TGM7: variants seen among roughly 807,000 people sequenced by gnomAD.
The protein encoded by TGM7 is protein-glutamine gamma-glutamyltransferase Z.
In TGM7, 74 loss-of-function variants were observed where a neutral mutation model predicts 79.5. That is an observed-to-expected ratio of 0.93 (90% confidence interval 0.77 to 1.13). TGM7 has a LOEUF of 1.13. TGM7 is among the 50% of genes most tolerant of loss of function. The probability of loss-of-function intolerance (pLI) is 0.00; values close to 1 mark genes in which losing one functional copy is unlikely to be tolerated. For synonymous variants in TGM7, 354 were observed against 362.5 expected, an observed-to-expected ratio of 0.98 and a Z score of 0.27; for missense variants, 912 against 905.9, an observed-to-expected ratio of 1.01 and a Z score of -0.09.
chr15:43,278,962 C>T (rs1026266432), intron 11 of TGM7, among the ~76,000 whole-genome samples, 155 bp downstream of exon 11: 1 of 152,210 alleles, frequency 6.6e-6, no homozygotes, highest in Non-Finnish European at 1.5e-5. Context: ...CCCCTCCAAC[C>T]CCACGCTGGT....
intron 4 of TGM7, among the ~76,000 whole-genome samples, chr15:43,288,955 G>C (rs780600727): frequency 6.6e-6 from 1 of 152,094 alleles, no homozygotes; most frequent in Non-Finnish European, 1.5e-5. Flanking sequence ...TGGTGGAGTG[G>C]GGAGTGGGGA....
rs1566846166 is a variant in TGM7, at chr15:43,292,039, A to G, written c.498T>C (p.Tyr166=). 6 of 1,613,972 alleles carry G rather than the reference A, an allele frequency of 3.7e-6. No individual in the cohort carries two copies. The highest frequency in any genetic ancestry group is 2.7e-5 in the African/African-American group (2 of 74,926). The change falls in exon 4 of 13, where the codon TAT becomes TAC. Residue 166 remains tyrosine (Y), a synonymous_variant. Transcript: ENST00000452443. The part of the protein sequence containing the change: ...ILLQEYIMRD[Y]GFVYKGHERF... ...TTTCATGACCCTTGTAAACAAAGCC[A>G]TAATCTCGCATGATATACTCCTGCA...
chr15:43,277,283 A>C (rs1468672213), intron 11 of TGM7, among the ~76,000 whole-genome samples: 1 of 152,200 alleles, frequency 6.6e-6, no homozygotes, highest in African/African-American at 2.4e-5. Context: ...ACAAGATTTA[A>C]ATGGAAGTGC....
At chr15:43,282,118 C>G in intron 8 of TGM7, 32 bp from the exon 9 acceptor site, 1 of 1,607,094 alleles carries the variant, frequency 6.2e-7, no homozygotes, top group Non-Finnish European at 8.5e-7. Flanking sequence ...GATATGGGGG[C>G]CAGGGGCAGC....
At position 43,276,472 on chromosome 15, in the gene TGM7, C is replaced by T. The variant is rs201340108; in HGVS notation, c.2116G>A (p.Val706Met). ...IKGYKDIFVT[V>M]AGAP is the part of the protein sequence containing the mutation. ...GGCGGGTCTCAGGGAGCCCCAGCCACAGTGACGAAGATGTCCTTGTAGCCT... is the reference window on the plus strand; with the variant it reads ...GGCGGGTCTCAGGGAGCCCCAGCCATAGTGACGAAGATGTCCTTGTAGCCT... Residue 706 changes from valine to methionine, a missense_variant, in exon 13 of 13, where the codon GTG (valine) becomes ATG (methionine). Transcript: ENST00000452443. 1 of 1,613,420 alleles carries T rather than the reference C, an allele frequency of 6.2e-7. No homozygotes were observed. Among genetic ancestry groups the T allele is most frequent in the African/African-American group, 1.3e-5 (1 of 75,022 alleles).
In TGM7 at chr15:43,293,433, G is replaced by T; in HGVS notation, c.193+16C>A. On this transcript the variant is annotated intron_variant, in intron 2 of 12. Coordinates refer to ENST00000452443, the MANE Select transcript of TGM7 (RefSeq NM_052955.3). Reference sequence around the variant, plus strand: ...TTTGACGGAACCTGCGGGGCCTTGGGACAGGGCAAACTCACCGGTCTCAGC... The same window carrying T: ...TTTGACGGAACCTGCGGGGCCTTGGTACAGGGCAAACTCACCGGTCTCAGC... 6.3e-7 allele frequency: 1 copy of T among 1,583,826 alleles called. No homozygotes were observed.
chr15:43,281,363 G>T (rs372086842), intron 9 of TGM7, among the ~76,000 whole-genome samples: 1 of 152,190 alleles, frequency 6.6e-6, no homozygotes, highest in Non-Finnish European at 1.5e-5. Flanking sequence ...TGACTCCACC[G>T]CTCCCCTTGC....
chr15:43,281,644 AT>A (rs957285989), intron 9 of TGM7, among the ~76,000 whole-genome samples, 199 bp downstream of exon 9: 18 of 152,224 alleles, frequency 1.2e-4, no homozygotes, highest in Non-Finnish European at 4.4e-5. Flanking sequence ...TGGAATTCAA[AT>A]TTAACTGGGC....
rs780447489 is a variant in TGM7, at chr15:43,276,631, G to C, written c.1974-17C>G. Reference sequence around the variant, plus strand: ...GTCCCAAGGCTGAAAGTCAGAAACAGCCTGTGAGAGCCTCGAGGACTTCCT... The same window carrying C: ...GTCCCAAGGCTGAAAGTCAGAAACACCCTGTGAGAGCCTCGAGGACTTCCT... On this transcript the variant is annotated splice_polypyrimidine_tract_variant and intron_variant, in intron 12 of 12. Coordinates refer to ENST00000452443, the MANE Select transcript of TGM7 (RefSeq NM_052955.3). 2 of 1,606,544 alleles carry C rather than the reference G, an allele frequency of 1.2e-6. No homozygotes were observed. Among genetic ancestry groups the C allele is most frequent in the East Asian group, 4.5e-5 (2 of 44,816 alleles).
At chr15:43,277,074 G>A in intron 11 of TGM7, 79 bp from the exon 12 acceptor site, 1 of 1,552,262 alleles carries the variant, frequency 6.4e-7, no homozygotes, top group Non-Finnish European at 8.7e-7. Context: ...CCACCCCCAG[G>A]TCCCTGGCGA....
chr15:43,291,818 C>T (rs951445663), intron 4 of TGM7, among the ~76,000 whole-genome samples, 161 bp downstream of exon 4: 10 of 152,220 alleles, frequency 6.6e-5, no homozygotes, highest in African/African-American at 2.4e-4. Context: ...TCCTTCCTTG[C>T]CCCTCTCACT....
At chr15:43,297,522 G>GAAA (rs2043003068) in intron 1 of TGM7, among the ~76,000 whole-genome samples, 3 of 129,378 alleles carry the variant, frequency 2.3e-5, no homozygotes, top group African/African-American at 8.3e-5. Context: ...AAGGAAGGAA[G>GAAA]GAAAGAAAGA....
chr15:43,283,483 T>TTTTTTTC lies in TGM7; in HGVS notation c.1005-864_1005-863insGAAAAAA, dbSNP rs550661652. 2.0e-3 allele frequency among the ~76,000 whole-genome samples: 299 copies of TTTTTTTC among 152,346 alleles called. 3 individuals are homozygous for TTTTTTTC. The highest frequency in any genetic ancestry group is 6.7e-3 in the African/African-American group (279 of 41,574). On this transcript the variant is annotated intron_variant, in intron 7 of 12. Coordinates refer to ENST00000452443, the MANE Select transcript of TGM7 (RefSeq NM_052955.3). ...ATCTCTCGCTCTCTCTCTTTTTCTT[T>TTTTTTTC]TTTTTTGTAAATGTAAGGGGTACAA... is the stretch of plus-strand genomic sequence containing the variant.
At position 43,282,004 on chromosome 15, in the gene TGM7, A is replaced by C; in HGVS notation, c.1191T>G (p.Tyr397Ter). The C allele has an allele frequency of 6.2e-7, 1 of 1,614,010 alleles. No individual in the cohort carries two copies. Residue 397 changes from tyrosine to a stop codon, truncating the protein, a stop_gained, in exon 9 of 13, where the codon TAT becomes TAG. Transcript: ENST00000452443. LOFTEE classifies it high-confidence loss of function. ...VHLAYDTPFV[Y>*]AEVNADEVIW... ...TGACTTCATCGGCGTTCACCTCGGC[A>C]TACACAAAAGGGGTGTCATAGGCCA...
At chr15:43,284,098 C>G (rs2042922949) in intron 7 of TGM7, among the ~76,000 whole-genome samples, 1 of 152,132 alleles carries the variant, frequency 6.6e-6, no homozygotes, top group Admixed American at 6.6e-5. Context: ...ACTCGGGGGG[C>G]TGAGGCAGGA....
At chr15:43,282,428 T>G in intron 8 of TGM7, 89 bp downstream of exon 8, 1 of 1,157,372 alleles carries the variant, frequency 8.6e-7, no homozygotes, top group Non-Finnish European at 1.2e-6. Flanking sequence ...TGGAAAACGC[T>G]GCTCCTCCCT....
At chr15:43,279,300 T>C (rs1566842338) in intron 10 of TGM7, 23 bp from the exon 11 acceptor site, 3 of 1,610,864 alleles carry the variant, frequency 1.9e-6, no homozygotes, top group East Asian at 2.2e-5. Context: ...AAAAGACACC[T>C]TGAGTCCAGG....
At position 43,287,460 on chromosome 15, in the gene TGM7, G is replaced by A. The variant is rs1263082009; in HGVS notation, c.688-3C>T. The stretch of plus-strand genomic sequence containing the variant: ...CCATTGTCATCGTTGCTGTTGATCT[G>A]CAGAGGACAGACAGGTGGGTTTCCA... On this transcript the variant is annotated splice_polypyrimidine_tract_variant and splice_region_variant and intron_variant, in intron 5 of 12. Coordinates refer to ENST00000452443, the MANE Select transcript of TGM7 (RefSeq NM_052955.3). 1.2e-6 allele frequency: 2 copies of A among 1,613,812 alleles called. No individual in the cohort carries two copies. The highest frequency in any genetic ancestry group is 8.5e-7 in the Non-Finnish European group (1 of 1,179,952).
chr15:43,281,774 G>A, intron 9 of TGM7, 70 bp downstream of exon 9: 1 of 1,578,450 alleles, frequency 6.3e-7, no homozygotes, highest in East Asian at 2.3e-5. Context: ...TTTCAACTTG[G>A]AGCCATCCCA....
Sources: gnomAD v4.1 joint callset for allele counts (sites outside exome capture counted in the v4.1 genomes callset) on GRCh38, gnomAD v4.1.1 for gene constraint, MANE v1.5 for transcripts, NCBI Gene and HGNC (gene_info 2026-07-23, HGNC 2026-07-21) for gene names.